The following AGAP1 variants were observed in gnomAD, a reference collection of about 807,000 sequenced individuals.
AGAP1 encodes the protein ArfGAP with GTPase domain, ankyrin repeat and PH domain 1.
A neutral mutation model predicts 105.3 loss-of-function variants in AGAP1; 29 were observed. The ratio of observed to expected loss-of-function variants is 0.28; its 90% CI spans 0.21 to 0.38. The LOEUF (loss-of-function observed/expected upper bound fraction) is 0.38, where lower values mean the gene tolerates loss of function less well. Ranked by LOEUF, AGAP1 falls within the 10% of genes least tolerant of loss-of-function variation. The pLI is 1.00. For synonymous variants in AGAP1, 509 were observed against 485.9 expected (o/e 1.05, Z -0.63); for missense variants, 998 against 1,165.1 (o/e 0.86, Z 2.09).
rs947899676 is a variant in AGAP1, at chr2:235,992,746, G to A, written c.1645+24123G>A. ...TGAGGTCCTGCACACCTGGGGATGC[G>A]TCGTGGGCGCCGAGGAGAGCGTAGC... is the stretch of plus-strand genomic sequence containing the variant. On this transcript the variant is annotated intron_variant, in intron 13 of 17. Transcript: ENST00000304032. This position sits in a 1 kb window ranked among gnomAD's most constrained non-coding sequence, Gnocchi z 4.8. Among the ~76,000 whole-genome samples, 4 of 152,188 alleles carry A rather than the reference G, an allele frequency of 2.6e-5. No homozygotes were observed. Among genetic ancestry groups the A allele is most frequent in the African/African-American group, 9.7e-5 (4 of 41,446 alleles).
In AGAP1 at chr2:235,720,990, A is replaced by G. The variant is rs1156842788; in HGVS notation, c.310+3346A>G. 6.6e-6 allele frequency among the ~76,000 whole-genome samples: 1 copy of G among 152,086 alleles called. No homozygotes were observed. The highest frequency in any genetic ancestry group is 1.5e-5 in the Non-Finnish European group (1 of 68,012). Reference sequence around the variant, plus strand: ...GTAGTGAAGAGAGCCAACTCACAAGATTTAGATTATTTTATTTTATTTATT... The same window carrying G: ...GTAGTGAAGAGAGCCAACTCACAAGGTTTAGATTATTTTATTTTATTTATT... On this transcript the variant is annotated intron_variant, in intron 3 of 17. Transcript: ENST00000304032. This position sits in a 1 kb window ranked among gnomAD's most constrained non-coding sequence, Gnocchi z 5.0.
In AGAP1 at chr2:235,751,240, T is replaced by G. The variant is rs1953409964; in HGVS notation, c.673+752T>G. Reference sequence around the variant, plus strand: ...AGGGTCTGGGGTAAATAAGGACTGATACTTCTAAAGCCAGTCTTTTCAAGT... The same window carrying G: ...AGGGTCTGGGGTAAATAAGGACTGAGACTTCTAAAGCCAGTCTTTTCAAGT... On this transcript the variant is annotated intron_variant, in intron 6 of 17. Coordinates refer to ENST00000304032, the MANE Select transcript of AGAP1 (RefSeq NM_001037131.3). This position sits in a 1 kb window ranked among gnomAD's most constrained non-coding sequence, Gnocchi z 5.3. Among the ~76,000 whole-genome samples, 1 of 152,186 alleles carries G rather than the reference T, an allele frequency of 6.6e-6. No individual in the cohort carries two copies. Among genetic ancestry groups the G allele is most frequent in the African/African-American group, 2.4e-5 (1 of 41,444 alleles).
chr2:235,670,946 C>T, intron 1 of AGAP1: 1 of 1,318,174 alleles, frequency 7.6e-7, no homozygotes, highest in Non-Finnish European at 9.6e-7. Context: ...GGGCGGCGGG[C>T]CCTCGCCACG....
In AGAP1 at chr2:236,040,867, G is replaced by T. The variant is rs757886565; in HGVS notation, c.1891+26G>T. ...GTAAGTGTGTGCGGTGGTAGCAGGG[G>T]CTGGCGCTGTGTAGCTGGAGACCAC... On this transcript the variant is annotated intron_variant, in intron 15 of 17. Transcript: ENST00000304032. The surrounding 1 kb of genome is among the most constrained non-coding windows in gnomAD (Gnocchi z 5.6). The T allele has an allele frequency of 6.2e-7, 1 of 1,612,946 alleles. No individual in the cohort carries two copies. The highest frequency in any genetic ancestry group is 1.3e-5 in the African/African-American group (1 of 74,924).
At chr2:235,607,187 C>CA (rs386392960) in intron 1 of AGAP1, among the ~76,000 whole-genome samples, 3 of 76,134 alleles carry the variant, frequency 3.9e-5, no homozygotes, top group African/African-American at 3.7e-4. Flanking sequence ...AAATCCAGAG[C>CA]CCCCCCTTCC....
chr2:235,827,909 G>A (rs1049384384), intron 9 of AGAP1, among the ~76,000 whole-genome samples: 1 of 152,344 alleles, frequency 6.6e-6, no homozygotes, highest in East Asian at 1.9e-4. Context: ...GCTGGGCTGC[G>A]AGGGAGGCTG....
In AGAP1 at chr2:235,754,533, T is replaced by C. The variant is rs1377576996; in HGVS notation, c.673+4045T>C. On this transcript the variant is annotated intron_variant, in intron 6 of 17. Coordinates refer to ENST00000304032, the MANE Select transcript of AGAP1 (RefSeq NM_001037131.3). The surrounding 1 kb of genome is among the most constrained non-coding windows in gnomAD (Gnocchi z 4.6). The stretch of plus-strand genomic sequence containing the variant: ...AAAGGCCAGGGACCTCATTCTTTCT[T>C]CTCCAACATTTGACTTCTTAGTGTC... Among the ~76,000 whole-genome samples, 1 of 152,210 alleles carries C rather than the reference T, an allele frequency of 6.6e-6. No homozygotes were observed. Among genetic ancestry groups the C allele is most frequent in the African/African-American group, 2.4e-5 (1 of 41,466 alleles).
rs536350209 is a variant in AGAP1 at position 236,051,646 on chromosome 2, G to C, written c.2114+2365G>C. On this transcript the variant is annotated intron_variant, in intron 16 of 17. Transcript: ENST00000304032. This position sits in a 1 kb window ranked among gnomAD's most constrained non-coding sequence, Gnocchi z 5.9. ...GGAGCAGGAATGGGGGAGGCCCAAA[G>C]AGCAGAAGCAGGAAGGGCCTCTGAG... is the stretch of plus-strand genomic sequence containing the variant. Among the ~76,000 whole-genome samples the C allele has an allele frequency of 6.6e-6, 1 of 152,304 alleles. No individual in the cohort carries two copies. Among genetic ancestry groups the C allele is most frequent in the South Asian group, 2.1e-4 (1 of 4,824 alleles).
chr2:235,971,765 A>G lies in AGAP1; in HGVS notation c.1645+3142A>G, dbSNP rs1459837489. 6.7e-6 allele frequency among the ~76,000 whole-genome samples: 1 copy of G among 148,776 alleles called. No homozygotes were observed. The highest frequency in any genetic ancestry group is 2.0e-4 in the East Asian group (1 of 5,122). On this transcript the variant is annotated intron_variant, in intron 13 of 17. Transcript: ENST00000304032. This position sits in a 1 kb window ranked among gnomAD's most constrained non-coding sequence, Gnocchi z 4.8. ...ATTTTATTTATTTATTTATTTATTT[A>G]TTTATTTATTTATTTATTTATTGTA...
In AGAP1 at chr2:235,877,652, T is replaced by G. The variant is rs1575674197; in HGVS notation, c.1051-5693T>G. Among the ~76,000 whole-genome samples the G allele has an allele frequency of 6.6e-6, 1 of 152,150 alleles. No individual in the cohort carries two copies. Among genetic ancestry groups the G allele is most frequent in the South Asian group, 2.1e-4 (1 of 4,826 alleles). ...CTCGGGCAGTGGAATCCAGTGGTGG[T>G]TTTGGATCACTTTTTAGATAGTGAT... On this transcript the variant is annotated intron_variant, in intron 9 of 17. Transcript: ENST00000304032. The surrounding 1 kb of genome is among the most constrained non-coding windows in gnomAD (Gnocchi z 4.3).
At chr2:235,706,545 AC>A (rs1311314024) in intron 1 of AGAP1, among the ~76,000 whole-genome samples, 3 of 151,482 alleles carry the variant, frequency 2.0e-5, no homozygotes, top group East Asian at 1.9e-4. Context: ...TGCACCCCTC[AC>A]CCCCGATACA....
chr2:235,574,196 T>C lies in AGAP1; in HGVS notation c.163+79347T>C, dbSNP rs1559260055. Among the ~76,000 whole-genome samples the C allele has an allele frequency of 6.6e-6, 1 of 152,232 alleles. No homozygotes were observed. The highest frequency in any genetic ancestry group is 1.5e-5 in the Non-Finnish European group (1 of 68,032). ...TGACTGCATTCTGGCACCTGAAGCATCTGGGCCTGGACGGACTCTTTCAGG... is the reference window on the plus strand; with the variant it reads ...TGACTGCATTCTGGCACCTGAAGCACCTGGGCCTGGACGGACTCTTTCAGG... On this transcript the variant is annotated intron_variant, in intron 1 of 17. Transcript: ENST00000304032. This position sits in a 1 kb window ranked among gnomAD's most constrained non-coding sequence, Gnocchi z 5.0.
intron 16 of AGAP1, among the ~76,000 whole-genome samples, chr2:236,093,849 T>A (rs184278498): frequency 7.4e-4 from 113 of 152,288 alleles, no homozygotes; most frequent in African/African-American, 2.7e-3. Flanking sequence ...CTGGAAAAGA[T>A]CATTTGAAAA....
chr2:235,778,444 C>T (rs537587593), intron 6 of AGAP1, among the ~76,000 whole-genome samples: 15 of 152,304 alleles, frequency 9.8e-5, no homozygotes, highest in African/African-American at 3.4e-4. Context: ...GAAGGTTCTT[C>T]GAGGTTCTTA....
intron 2 of AGAP1, among the ~76,000 whole-genome samples, chr2:235,709,545 A>AC (rs1465510619): frequency 3.7e-4 from 51 of 137,264 alleles, no homozygotes; most frequent in Admixed American, 6.5e-4. Flanking sequence ...ACACACACAC[A>AC]CCCCCATGGG....
chr2:235,925,305 T>C (rs921042486), intron 11 of AGAP1, among the ~76,000 whole-genome samples: 3 of 152,092 alleles, frequency 2.0e-5, no homozygotes, highest in African/African-American at 7.3e-5. Context: ...AAAGAACATT[T>C]CCAACGATGG....
intron 1 of AGAP1, among the ~76,000 whole-genome samples, chr2:235,694,283 T>C (rs1174106028): frequency 6.8e-6 from 1 of 147,694 alleles, no homozygotes; most frequent in Admixed American, 6.7e-5. Flanking sequence ...ATCGAGACCA[T>C]CCTGGCTATC....
At chr2:236,034,453 G>C (rs895936037) in intron 13 of AGAP1, among the ~76,000 whole-genome samples, 1 of 152,082 alleles carries the variant, frequency 6.6e-6, no homozygotes, top group African/African-American at 2.4e-5. Context: ...TACACAGGTG[G>C]CGGGGGTGGG....
At chr2:236,025,889 G>A (rs1371157292) in intron 13 of AGAP1, among the ~76,000 whole-genome samples, 5 of 85,850 alleles carry the variant, frequency 5.8e-5, no homozygotes, top group Admixed American at 3.9e-4. Flanking sequence ...GCGACAGAGG[G>A]AGACTCCTTC....
Sources: allele counts gnomAD v4.1 joint callset (sites outside exome capture counted in the v4.1 genomes callset), GRCh38; gene constraint gnomAD v4.1.1; non-coding constraint Gnocchi (gnomAD v3.1); transcripts MANE v1.5; gene names NCBI Gene and HGNC (gene_info 2026-07-23, HGNC 2026-07-21).